VAV2: variants seen among roughly 807,000 people sequenced by gnomAD.
VAV2 encodes the protein vav guanine nucleotide exchange factor 2.
In VAV2, 67 loss-of-function variants were observed where a neutral mutation model predicts 132.5. The ratio of observed to expected loss-of-function variants is 0.51; its 90% CI spans 0.42 to 0.62. VAV2 has a LOEUF of 0.62. Ranked by LOEUF, VAV2 falls within the 20% of genes least tolerant of loss-of-function variation. The pLI, the probability that VAV2 is intolerant of heterozygous loss-of-function variation, is 0.00. For synonymous variants in VAV2, 492 were observed against 443.5 expected, an observed-to-expected ratio of 1.11 and a Z score of -1.37; for missense variants, 938 against 1,153.6, an observed-to-expected ratio of 0.81 and a Z score of 2.71.
chr9:133,764,748 G>A (rs1833379516), intron 29 of VAV2, among the ~76,000 whole-genome samples: 1 of 152,142 alleles, frequency 6.6e-6, no homozygotes, highest in Non-Finnish European at 1.5e-5. Flanking sequence ...ATAAAATTGT[G>A]GAAATAATAT....
chr9:133,979,436 A>T (rs961142497), intron 1 of VAV2, among the ~76,000 whole-genome samples: 2 of 151,586 alleles, frequency 1.3e-5, no homozygotes, highest in Admixed American at 1.3e-4. Flanking sequence ...GGCCCAGAGG[A>T]GATGGGTCCC....
At chr9:133,875,692 C>A (rs1160491178) in intron 2 of VAV2, among the ~76,000 whole-genome samples, 1 of 152,230 alleles carries the variant, frequency 6.6e-6, no homozygotes, top group Admixed American at 6.5e-5. Context: ...CAGGAACACA[C>A]GCGAGGCCCC....
At chr9:133,896,435 C>T (rs1839208018) in intron 2 of VAV2, among the ~76,000 whole-genome samples, 1 of 152,068 alleles carries the variant, frequency 6.6e-6, no homozygotes, top group Non-Finnish European at 1.5e-5. Context: ...GCCTGGGCAA[C>T]AGAGTGAGAC....
intron 5 of VAV2, among the ~76,000 whole-genome samples, chr9:133,810,622 C>T (rs1835323910): frequency 6.6e-6 from 1 of 152,186 alleles, no homozygotes; most frequent in Admixed American, 6.5e-5. Context: ...ACCAGCGGGA[C>T]CAGCGCTGGG....
At chr9:133,776,208 T>G (rs1311150620) in intron 23 of VAV2, 128 bp from the exon 24 acceptor site, 3 of 1,325,742 alleles carry the variant, frequency 2.3e-6, no homozygotes, top group Non-Finnish European at 3.0e-6. Flanking sequence ...GTCTGTGGAC[T>G]TAGCCCCAGC....
chr9:133,814,870 C>T (rs1372813989), intron 4 of VAV2, among the ~76,000 whole-genome samples: 1 of 152,228 alleles, frequency 6.6e-6, no homozygotes, highest in African/African-American at 2.4e-5. Flanking sequence ...GCCCGGGCTG[C>T]TGCAGGTCTC....
chr9:133,910,000 C>G (rs1448544925), intron 2 of VAV2, among the ~76,000 whole-genome samples: 1 of 151,980 alleles, frequency 6.6e-6, no homozygotes, highest in Non-Finnish European at 1.5e-5. Flanking sequence ...CAGCCCCCCA[C>G]GAGCCACACG....
intron 1 of VAV2, among the ~76,000 whole-genome samples, chr9:133,939,495 A>C (rs1005705433): frequency 2.6e-5 from 4 of 152,116 alleles, no homozygotes; most frequent in Non-Finnish European, 5.9e-5. Context: ...CCTTCTCATC[A>C]CATAGCTGCA....
intron 1 of VAV2, among the ~76,000 whole-genome samples, chr9:133,971,820 C>A (rs986174059): frequency 6.6e-6 from 1 of 152,128 alleles, no homozygotes; most frequent in Non-Finnish European, 1.5e-5. Flanking sequence ...GCCAGGGCTT[C>A]CCCCAACAGA....
chr9:133,806,783 C>T (rs568739209), intron 8 of VAV2, among the ~76,000 whole-genome samples: 6 of 152,372 alleles, frequency 3.9e-5, no homozygotes, highest in Non-Finnish European at 8.8e-5. Context: ...GGGCCAGGAG[C>T]AGCATGTCCC....
At position 133,762,972 on chromosome 9, in the gene VAV2, G is replaced by A. The variant is rs1250494247; in HGVS notation, c.*1090C>T. On this transcript the variant is annotated 3_prime_UTR_variant, in exon 30 of 30. Transcript: ENST00000371850. The surrounding 1 kb of genome is among the most constrained non-coding windows in gnomAD (Gnocchi z 5.0). ...CAGGGTCTGGCTAACCCAGCCAGAAGTCGAAGGCCAGGAGTTGTGGCTGGG... is the reference window on the plus strand; with the variant it reads ...CAGGGTCTGGCTAACCCAGCCAGAAATCGAAGGCCAGGAGTTGTGGCTGGG... The A allele has an allele frequency of 2.0e-5, 3 of 152,716 alleles. No individual in the cohort carries two copies. The highest frequency in any genetic ancestry group is 2.0e-4 in the Admixed American group (3 of 15,284). 9.5% of individuals were successfully genotyped at this position (152,716 alleles called of 1,614,324 possible). A position where few individuals can be genotyped will look rare whatever the true frequency, so the allele number is the denominator to read the frequency against.
At chr9:133,946,030 G>A (rs770116097) in intron 1 of VAV2, among the ~76,000 whole-genome samples, 2 of 152,244 alleles carry the variant, frequency 1.3e-5, no homozygotes, top group Non-Finnish European at 2.9e-5. Flanking sequence ...CCATCTCACT[G>A]GGGAAGTCCA....
intron 3 of VAV2, among the ~76,000 whole-genome samples, chr9:133,858,072 C>G (rs886449088): frequency 1.3e-5 from 2 of 152,218 alleles, no homozygotes; most frequent in African/African-American, 4.8e-5. Context: ...CTCCACATGC[C>G]GAAGACAAGA....
chr9:133,941,827 C>A (rs1841174093), intron 1 of VAV2, among the ~76,000 whole-genome samples: 1 of 152,168 alleles, frequency 6.6e-6, no homozygotes, highest in Non-Finnish European at 1.5e-5. Flanking sequence ...TGGTCTCCAA[C>A]TCTTGACCTC....
chr9:133,810,236 C>T (rs771947043), intron 5 of VAV2, 31 bp from the exon 6 acceptor site: 31 of 1,612,840 alleles, frequency 1.9e-5, no homozygotes, highest in Non-Finnish European at 2.5e-5. Flanking sequence ...CCAGAAACAG[C>T]GCCGGTTAGC....
At chr9:133,881,671 G>A (rs1838501823) in intron 2 of VAV2, among the ~76,000 whole-genome samples, 1 of 152,250 alleles carries the variant, frequency 6.6e-6, no homozygotes, top group Admixed American at 6.5e-5. Context: ...TGGCCTACAA[G>A]TGGCCGGGAA....
Position 133,764,750 on chromosome 9 carries a change from A to C in VAV2, c.2590-641T>G, listed in dbSNP as rs552023850. ...GGATGAAAAACACATAAAATTGTGGAAATAATATGAGGCCATGGTAAAAAG... is the reference window on the plus strand; with the variant it reads ...GGATGAAAAACACATAAAATTGTGGCAATAATATGAGGCCATGGTAAAAAG... On this transcript the variant is annotated intron_variant, in intron 29 of 29. Coordinates refer to ENST00000371850, the MANE Select transcript of VAV2 (RefSeq NM_001134398.2). Among the ~76,000 whole-genome samples, 30 of 152,328 alleles carry C rather than the reference A, an allele frequency of 2.0e-4. No homozygotes were observed. In the South Asian group the frequency reaches 5.8e-3, roughly 29 times the overall value.
Position 133,969,929 on chromosome 9 carries a change from T to C in VAV2, c.204+22146A>G, listed in dbSNP as rs1842272152. ...ACATCTGCACCAACCCTGCCCAGGG[T>C]TCCCTGGCACACCCAGGATGAAGCC... On this transcript the variant is annotated intron_variant, in intron 1 of 29. Transcript: ENST00000371850. This position sits in a 1 kb window ranked among gnomAD's most constrained non-coding sequence, Gnocchi z 5.1. Among the ~76,000 whole-genome samples, 1 of 151,940 alleles carries C rather than the reference T, an allele frequency of 6.6e-6. No homozygotes were observed. Among genetic ancestry groups the C allele is most frequent in the South Asian group, 2.1e-4 (1 of 4,810 alleles).
At position 133,884,874 on chromosome 9, in the gene VAV2, C is replaced by T. The variant is rs1481604279; in HGVS notation, c.322-23442G>A. 3.9e-5 allele frequency among the ~76,000 whole-genome samples: 6 copies of T among 152,184 alleles called. No homozygotes were observed. The highest frequency in any genetic ancestry group is 1.4e-4 in the African/African-American group (6 of 41,448). ...ACAGGTGCACACAAGCATCCCCTCC[C>T]ACTCAGCCAGAGGGGCGCAGCGCTG... On this transcript the variant is annotated intron_variant, in intron 2 of 29. Transcript: ENST00000371850. The surrounding 1 kb of genome is among the most constrained non-coding windows in gnomAD (Gnocchi z 5.3).
Sources: allele counts gnomAD v4.1 joint callset (sites outside exome capture counted in the v4.1 genomes callset), GRCh38; gene constraint gnomAD v4.1.1; non-coding constraint Gnocchi (gnomAD v3.1); transcripts MANE v1.5; gene names NCBI Gene and HGNC (gene_info 2026-07-23, HGNC 2026-07-21).